Variants in OR56A3 observed in about 807,000 individuals in gnomAD.
OR56A3 encodes olfactory receptor family 56 subfamily A member 3.
OR56A3 carries 23 observed loss-of-function variants against 17.5 expected under a neutral mutation model. That is an observed-to-expected ratio of 1.32 (90% CI 0.95 to 1.87). The LOEUF is 1.87. OR56A3 is among the 40% of genes most tolerant of loss of function. The pLI, the probability that OR56A3 is intolerant of heterozygous loss-of-function variation, is 0.00. For missense variants in OR56A3, 366 were observed against 380.1 expected, an observed-to-expected ratio of 0.96 and a Z score of 0.31; for synonymous variants, 175 against 150.6, an observed-to-expected ratio of 1.16 and a Z score of -1.19.
chr11:5,952,496 A>C (rs1302221347), downstream of OR56A3, among the ~76,000 whole-genome samples: 1 of 151,576 alleles, frequency 6.6e-6, no homozygotes, highest in Non-Finnish European at 1.5e-5. Context: ...TCAATCAAAT[A>C]ATTACATTAT....
chr11:5,982,825 T>A, the OR56A3 span, among the ~76,000 whole-genome samples: 1 of 152,122 alleles, frequency 6.6e-6, no homozygotes, highest in Non-Finnish European at 1.5e-5. Flanking sequence ...CAGAGGTACA[T>A]GGAGAGTGGG....
At chr11:5,980,650 T>C in the OR56A3 span, among the ~76,000 whole-genome samples, 1 of 152,164 alleles carries the variant, frequency 6.6e-6, no homozygotes, top group Non-Finnish European at 1.5e-5. Context: ...AAATTGAACA[T>C]TTTAAGTGGG....
At chr11:5,998,838 C>T in the OR56A3 span, among the ~76,000 whole-genome samples, 7 of 152,196 alleles carry the variant, frequency 4.6e-5, no homozygotes, top group Non-Finnish European at 1.0e-4. Flanking sequence ...TTTACCAAGA[C>T]AGCTGCTTGG....
At chr11:5,987,011 G>T in the OR56A3 span, 1 of 1,329,924 alleles carries the variant, frequency 7.5e-7, no homozygotes. Context: ...GACTTCAACT[G>T]CAAACGAAGG....
At chr11:6,002,245 G>C in the OR56A3 span, 755 of 1,614,134 alleles carry the variant, frequency 4.7e-4, no homozygotes, top group Non-Finnish European at 5.9e-4. Flanking sequence ...AAGAGGATGA[G>C]GATGAAGTGG....
chr11:5,983,878 T>A, the OR56A3 span, among the ~76,000 whole-genome samples: 1 of 152,048 alleles, frequency 6.6e-6, no homozygotes, highest in African/African-American at 2.4e-5. Flanking sequence ...AACACTCTCT[T>A]TTTTTGTATT....
chr11:5,957,874 C>T, the OR56A3 span, among the ~76,000 whole-genome samples: 5 of 151,916 alleles, frequency 3.3e-5, no homozygotes, highest in Admixed American at 3.3e-4. Context: ...GAGAAAATTC[C>T]AAGAGAGTTC....
Position 5,947,418 on chromosome 11 carries a change from C to G in OR56A3, c.72C>G (p.Ser24=), listed in dbSNP as rs1218223707. 1 of 1,614,112 alleles carries G rather than the reference C, an allele frequency of 6.2e-7. No individual in the cohort carries two copies. The highest frequency in any genetic ancestry group is 1.1e-5 in the South Asian group (1 of 91,072). ...SDFLLNCFVR[S]PSWQHWLSLP... Reference sequence around the variant, plus strand: ...TCCTCTTGAATTGTTTTGTCAGATCCCCCAGCTGGCAGCACTGGCTGTCCC... The same window carrying G: ...TCCTCTTGAATTGTTTTGTCAGATCGCCCAGCTGGCAGCACTGGCTGTCCC... The change falls in exon 3 of 3, where the codon TCC becomes TCG. Residue 24 remains serine (S), a synonymous_variant. Transcript: ENST00000641160.
At chr11:5,986,817 T>C in the OR56A3 span, 1 of 1,613,972 alleles carries the variant, frequency 6.2e-7, no homozygotes, top group Non-Finnish European at 8.5e-7. Flanking sequence ...GGCTTTCCTC[T>C]AAACCTGGAA....
At chr11:6,018,762 A>G in the OR56A3 span, among the ~76,000 whole-genome samples, 1 of 74,628 alleles carries the variant, frequency 1.3e-5, no homozygotes, top group Non-Finnish European at 2.7e-5. Flanking sequence ...GGAAAAGATA[A>G]ACAAAATTGA....
At chr11:5,998,069 C>T in the OR56A3 span, among the ~76,000 whole-genome samples, 3 of 152,118 alleles carry the variant, frequency 2.0e-5, no homozygotes, top group East Asian at 5.8e-4. Flanking sequence ...GAGACACAAT[C>T]CTCTGTCTCA....
chr11:6,019,178 GCTA>G, the OR56A3 span, among the ~76,000 whole-genome samples: 1 of 150,754 alleles, frequency 6.6e-6, no homozygotes. Flanking sequence ...ATTCCTCAAG[GCTA>G]CTACTACCTT....
the OR56A3 span, among the ~76,000 whole-genome samples, chr11:5,974,170 G>A: frequency 6.7e-5 from 10 of 150,170 alleles, no homozygotes; most frequent in African/African-American, 9.8e-5. Flanking sequence ...GCAGTGGCAC[G>A]ATCTCGGCTT....
chr11:5,961,715 C>G, the OR56A3 span, among the ~76,000 whole-genome samples: 3 of 150,482 alleles, frequency 2.0e-5, no homozygotes, highest in East Asian at 5.9e-4. Flanking sequence ...CCAAATCCCC[C>G]TCTCCGAGAA....
chr11:6,011,570 G>C, the OR56A3 span, among the ~76,000 whole-genome samples: 107,022 of 151,960 alleles, frequency 0.7, 37,967 homozygotes, highest in East Asian at 0.94. Context: ...GCAAATGACA[G>C]ATGATGGCAT....
the OR56A3 span, among the ~76,000 whole-genome samples, chr11:6,015,190 GA>G: frequency 3.3e-5 from 5 of 151,796 alleles, no homozygotes; most frequent in East Asian, 1.9e-4. Flanking sequence ...AGACAATGGG[GA>G]AAAAAAATCT....
the OR56A3 span, chr11:6,002,535 G>A: frequency 1.1e-5 from 17 of 1,614,056 alleles, no homozygotes; most frequent in Middle Eastern, 1.6e-4. Context: ...GGCATTCCGG[G>A]CTATAACAAA....
chr11:5,948,076 A>C lies in OR56A3; in HGVS notation c.730A>C (p.Thr244Pro), dbSNP rs759471513. ...AEGAVAKALS[T>P]CGSHFMLILF... Reference sequence around the variant, plus strand: ...GGGTGCCGTGGCAAAGGCCCTAAGCACATGTGGCTCCCACTTCATGCTCAT... The same window carrying C: ...GGGTGCCGTGGCAAAGGCCCTAAGCCCATGTGGCTCCCACTTCATGCTCAT... The change falls in exon 3 of 3, where the codon ACA (threonine) becomes CCA (proline). Residue 244 changes from threonine to proline, a missense_variant. By Grantham distance (38) the Thr-to-Pro change is conservative (BLOSUM62 -1). Transcript: ENST00000641160. The C allele has an allele frequency of 1.9e-6, 3 of 1,614,218 alleles. No homozygotes were observed. Among genetic ancestry groups the C allele is most frequent in the South Asian group, 1.1e-5 (1 of 91,086 alleles).
the OR56A3 span, among the ~76,000 whole-genome samples, chr11:5,975,855 C>G: frequency 1.3e-5 from 2 of 151,962 alleles, no homozygotes; most frequent in Non-Finnish European, 2.9e-5. Context: ...TTCTCCACAT[C>G]CTCTCCAGCA....
Sources: allele counts gnomAD v4.1 joint callset (sites outside exome capture counted in the v4.1 genomes callset), GRCh38; gene constraint gnomAD v4.1.1; transcripts MANE v1.5; gene names NCBI Gene and HGNC (gene_info 2026-07-23, HGNC 2026-07-21).